The following SYCP2L variants were observed in gnomAD, a reference collection of about 807,000 sequenced individuals.
The protein encoded by SYCP2L is synaptonemal complex protein 2 like.
SYCP2L carries 98 observed loss-of-function variants against 125.8 expected under a neutral mutation model. That is an observed-to-expected ratio of 0.78 (90% CI 0.66 to 0.92). The LOEUF (loss-of-function observed/expected upper bound fraction) is 0.92, where lower values mean the gene tolerates loss of function less well. SYCP2L is among the 40% of genes least tolerant of loss of function. SYCP2L has a pLI of 0.00. For synonymous variants in SYCP2L, 317 were observed against 325.4 expected (o/e 0.97, Z 0.28); for missense variants, 842 against 936.4 (o/e 0.90, Z 1.32).
At chr6:10,905,091 C>T (rs867229967) in intron 8 of SYCP2L, among the ~76,000 whole-genome samples, 1 of 123,166 alleles carries the variant, frequency 8.1e-6, no homozygotes, top group East Asian at 2.8e-4. Flanking sequence ...TGCAGTGAGT[C>T]GAGATCGTGC....
chr6:10,940,966 G>A (rs969775618), intron 21 of SYCP2L, among the ~76,000 whole-genome samples: 1 of 152,160 alleles, frequency 6.6e-6, no homozygotes, highest in Non-Finnish European at 1.5e-5. Flanking sequence ...TCTAGTTGAA[G>A]TAACTGGCTG....
At chr6:10,942,600 A>G (rs569376123) in intron 22 of SYCP2L, 71 bp downstream of exon 22, 97 of 1,584,390 alleles carry the variant, frequency 6.1e-5, no homozygotes, top group Non-Finnish European at 7.7e-5. Context: ...CACATTGGCT[A>G]TTCCTTCTGA....
Position 10,887,103 on chromosome 6 carries a change from C to T in SYCP2L, c.-24C>T, listed in dbSNP as rs768103327. The T allele has an allele frequency of 6.2e-7, 1 of 1,614,088 alleles. No homozygotes were observed. Among genetic ancestry groups the T allele is most frequent in the South Asian group, 1.1e-5 (1 of 91,080 alleles). On this transcript the variant is annotated 5_prime_UTR_variant, in exon 1 of 30. Transcript: ENST00000283141. Reference sequence around the variant, plus strand: ...CGCAACAAAGCTGAGCGGCGCGTCGCTTCAGGAACGAAGAAGCCTCGTTAT... The same window carrying T: ...CGCAACAAAGCTGAGCGGCGCGTCGTTTCAGGAACGAAGAAGCCTCGTTAT...
intron 8 of SYCP2L, 29 bp from the exon 9 acceptor site, chr6:10,905,970 TACCTCTTGATGTTCACTTCAG>T: frequency 1.5e-6 from 2 of 1,312,390 alleles, no homozygotes; most frequent in Middle Eastern, 1.9e-4. Context: ...AGTAAAGTTT[TACCTCTTGATGTTCACTTCAG>T]TTAAATGTGA....
chr6:10,962,068 TC>T (rs1462979128), intron 28 of SYCP2L, among the ~76,000 whole-genome samples: 1 of 152,194 alleles, frequency 6.6e-6, no homozygotes, highest in Non-Finnish European at 1.5e-5. Flanking sequence ...CGTCCCATCT[TC>T]TGGAGCCCAA....
chr6:10,898,587 C>T (rs12190074), intron 5 of SYCP2L, among the ~76,000 whole-genome samples: 35,095 of 151,894 alleles, frequency 0.23, 4,609 homozygotes, highest in Middle Eastern at 0.39. Flanking sequence ...CATATATAAC[C>T]GATGTTAAAA....
chr6:10,959,548 A>G (rs999606046), intron 26 of SYCP2L, among the ~76,000 whole-genome samples: 1 of 152,200 alleles, frequency 6.6e-6, no homozygotes, highest in Non-Finnish European at 1.5e-5. Flanking sequence ...AAGGGTATAA[A>G]TATTATGTTA....
intron 28 of SYCP2L, chr6:10,963,317 GTGCC>G (rs1781623159): frequency 6.2e-6 from 1 of 160,476 alleles, no homozygotes; most frequent in Non-Finnish European, 1.4e-5. Flanking sequence ...GTGCTTATGG[GTGCC>G]TGGCCCTGGG....
In SYCP2L at chr6:10,954,882, G is replaced by A. The variant is rs1209661190; in HGVS notation, c.1955-234G>A. 6.6e-6 allele frequency among the ~76,000 whole-genome samples: 1 copy of A among 152,180 alleles called. No individual in the cohort carries two copies. The highest frequency in any genetic ancestry group is 1.5e-5 in the Non-Finnish European group (1 of 68,036). On this transcript the variant is annotated intron_variant, in intron 23 of 29. Transcript: ENST00000283141. This position sits in a 1 kb window ranked among gnomAD's most constrained non-coding sequence, Gnocchi z 4.8. ...TAGTGAGGGGTCTGTGCTAAGCAGA[G>A]TGTTCCTAAATGTAACTGAGCTCAT...
intron 4 of SYCP2L, 34 bp from the exon 5 acceptor site, chr6:10,897,977 T>A (rs1304324376): frequency 2.2e-6 from 3 of 1,351,332 alleles, no homozygotes; most frequent in Non-Finnish European, 3.2e-6. Flanking sequence ...CAGCATTTAG[T>A]CTTATGTAGT....
At chr6:10,896,810 A>C (rs1028766776) in intron 4 of SYCP2L, among the ~76,000 whole-genome samples, 1 of 152,132 alleles carries the variant, frequency 6.6e-6, no homozygotes, top group Non-Finnish European at 1.5e-5. Context: ...TGGGTCTGGG[A>C]TAGGTCCCAG....
At chr6:10,961,228 A>G in intron 26 of SYCP2L, 77 bp from the exon 27 acceptor site, 1 of 1,148,604 alleles carries the variant, frequency 8.7e-7, no homozygotes, top group Non-Finnish European at 1.3e-6. Flanking sequence ...TATCCTTGTA[A>G]TCAGATGACT....
intron 29 of SYCP2L, among the ~76,000 whole-genome samples, chr6:10,970,949 AC>A (rs1049579400): frequency 6.6e-6 from 1 of 151,914 alleles, no homozygotes; most frequent in African/African-American, 2.4e-5. Context: ...TCGGGCCATC[AC>A]CCCCAGGCCT....
At chr6:10,965,175 G>A (rs1327047362) in intron 29 of SYCP2L, among the ~76,000 whole-genome samples, 1 of 152,114 alleles carries the variant, frequency 6.6e-6, no homozygotes, top group East Asian at 1.9e-4. Flanking sequence ...ATGAAGACTG[G>A]ATGAGGAGAG....
At chr6:10,934,337 A>G (rs1225732) in intron 20 of SYCP2L, among the ~76,000 whole-genome samples, 28,612 of 152,270 alleles carry the variant, frequency 0.19, 2,832 homozygotes, top group Middle Eastern at 0.3. Context: ...GTTTGAATCT[A>G]TTGTCCATTT....
chr6:10,905,707 G>C (rs1032900800), intron 8 of SYCP2L, among the ~76,000 whole-genome samples: 17 of 152,166 alleles, frequency 1.1e-4, no homozygotes, highest in African/African-American at 4.1e-4. Flanking sequence ...TTGGTGCGGT[G>C]ATTATAAAAC....
intron 1 of SYCP2L, among the ~76,000 whole-genome samples, chr6:10,890,400 T>C (rs1780153235): frequency 6.6e-6 from 1 of 152,210 alleles, no homozygotes; most frequent in African/African-American, 2.4e-5. Context: ...CTAACTGGGG[T>C]AAGATAATAT....
chr6:10,924,836 TAGGA>T (rs1336570931), intron 15 of SYCP2L, among the ~76,000 whole-genome samples, 195 bp downstream of exon 15: 1 of 152,158 alleles, frequency 6.6e-6, no homozygotes, highest in African/African-American at 2.4e-5. Flanking sequence ...TGTCTTGAGG[TAGGA>T]TAGAAAGCCT....
intron 29 of SYCP2L, among the ~76,000 whole-genome samples, chr6:10,964,794 G>A (rs1781652542): frequency 1.3e-5 from 2 of 152,168 alleles, no homozygotes; most frequent in South Asian, 4.1e-4. Context: ...GAGAACAGTG[G>A]TATGAAGTGT....
Sources: gnomAD v4.1 joint callset for allele counts (sites outside exome capture counted in the v4.1 genomes callset) on GRCh38, gnomAD v4.1.1 for gene constraint, Gnocchi (gnomAD v3.1) non-coding constraint, MANE v1.5 for transcripts, NCBI Gene and HGNC (gene_info 2026-07-23, HGNC 2026-07-21) for gene names.